The following CCDC91 variants were observed in gnomAD, a reference collection of about 807,000 sequenced individuals.
The protein encoded by CCDC91 is coiled-coil domain-containing protein 91.
CCDC91 carries 48 observed loss-of-function variants against 63.2 expected under a neutral mutation model. The ratio of observed to expected loss-of-function variants is 0.76; its 90% CI spans 0.60 to 0.97. CCDC91 has a LOEUF of 0.97. Ranked by LOEUF, CCDC91 falls within the 50% of genes least tolerant of loss-of-function variation. CCDC91 has a pLI of 0.00. For synonymous variants in CCDC91, 167 were observed against 165.8 expected (o/e 1.01, Z -0.06); for missense variants, 500 against 494.6 (o/e 1.01, Z -0.10).
chr12:28,194,754 A>G (rs1941597612), intron 1 of CCDC91, among the ~76,000 whole-genome samples: 1 of 149,636 alleles, frequency 6.7e-6, no homozygotes, highest in Non-Finnish European at 1.5e-5. Context: ...TGTTCCTCCC[A>G]GTGGGTTTGT....
At chr12:28,354,632 G>C (rs1025968505) in intron 6 of CCDC91, among the ~76,000 whole-genome samples, 9 of 152,220 alleles carry the variant, frequency 5.9e-5, no homozygotes, top group Admixed American at 5.9e-4. Context: ...ATTAAAAAGT[G>C]ATTTTTAGTA....
chr12:28,238,667 CAGT>C (rs1159672164), intron 1 of CCDC91, among the ~76,000 whole-genome samples: 2 of 152,046 alleles, frequency 1.3e-5, no homozygotes, highest in African/African-American at 2.4e-5. Flanking sequence ...TTATGTCTAT[CAGT>C]AGGGGAATTG....
chr12:28,231,083 A>C (rs1373535419), intron 1 of CCDC91, among the ~76,000 whole-genome samples: 6 of 152,180 alleles, frequency 3.9e-5, no homozygotes, highest in African/African-American at 1.4e-4. Context: ...GGCTCTAAGA[A>C]ATAGAGCTCT....
At chr12:28,191,807 A>G (rs943685628) in intron 1 of CCDC91, among the ~76,000 whole-genome samples, 2 of 152,146 alleles carry the variant, frequency 1.3e-5, no homozygotes, top group African/African-American at 4.8e-5. Flanking sequence ...TAAATGTAGT[A>G]AGGGTCATGC....
chr12:28,338,240 G>A (rs1219965628), intron 6 of CCDC91, among the ~76,000 whole-genome samples: 1 of 139,916 alleles, frequency 7.1e-6, no homozygotes, highest in Non-Finnish European at 1.5e-5. Context: ...GCAAGTACAG[G>A]TATTGGCCCT....
chr12:28,421,775 C>A (rs1948029208), intron 8 of CCDC91, among the ~76,000 whole-genome samples: 1 of 151,958 alleles, frequency 6.6e-6, no homozygotes. Context: ...TACTTGCTAG[C>A]CCCCACAAGC....
chr12:28,465,587 A>G (rs1053761580), intron 11 of CCDC91, among the ~76,000 whole-genome samples: 3 of 152,214 alleles, frequency 2.0e-5, no homozygotes, highest in Non-Finnish European at 4.4e-5. Flanking sequence ...CTGTACCTCT[A>G]TGAGTCTACA....
intron 12 of CCDC91, among the ~76,000 whole-genome samples, chr12:28,518,170 A>C (rs1369849359): frequency 6.6e-6 from 1 of 152,010 alleles, no homozygotes; most frequent in African/African-American, 2.4e-5. Context: ...TTGCTGGATC[A>C]AATGGTAGTT....
At chr12:28,510,310 A>G (rs1197260324) in intron 12 of CCDC91, among the ~76,000 whole-genome samples, 1 of 150,070 alleles carries the variant, frequency 6.7e-6, no homozygotes, top group Non-Finnish European at 1.5e-5. Context: ...GAGGCTGAGA[A>G]GTCCTAAGAT....
At chr12:28,267,922 A>C (rs1296387324) in intron 3 of CCDC91, among the ~76,000 whole-genome samples, 1 of 79,640 alleles carries the variant, frequency 1.3e-5, no homozygotes, top group African/African-American at 4.7e-5. Flanking sequence ...TATAATTATT[A>C]TAATTATATA....
chr12:28,267,885 AT>A (rs1402796278), intron 3 of CCDC91, among the ~76,000 whole-genome samples: 4 of 78,572 alleles, frequency 5.1e-5, no homozygotes, highest in South Asian at 3.3e-4. Context: ...ATATATAATT[AT>A]TATAATTATA....
At chr12:28,540,211 A>G (rs7139060) in intron 12 of CCDC91, among the ~76,000 whole-genome samples, 48,479 of 151,960 alleles carry the variant, frequency 0.32, 8,275 homozygotes, top group African/African-American at 0.4. Context: ...TGTTGTTTTC[A>G]TACATAGCCA....
intron 6 of CCDC91, among the ~76,000 whole-genome samples, chr12:28,346,081 G>A (rs1013486766): frequency 1.3e-5 from 2 of 151,964 alleles, no homozygotes; most frequent in African/African-American, 4.8e-5. Context: ...AATTAACCGA[G>A]TTCTTGGGAC....
chr12:28,402,145 T>C (rs1946661705), intron 8 of CCDC91, among the ~76,000 whole-genome samples: 1 of 152,156 alleles, frequency 6.6e-6, no homozygotes, highest in Admixed American at 6.6e-5. Context: ...GTGCGTTACA[T>C]GATACTTAAC....
At chr12:28,317,135 A>G (rs1939977703) in intron 6 of CCDC91, among the ~76,000 whole-genome samples, 1 of 151,924 alleles carries the variant, frequency 6.6e-6, no homozygotes, top group Non-Finnish European at 1.5e-5. Flanking sequence ...CGGATGCCAT[A>G]CACGTTTTGG....
At chr12:28,363,531 C>T (rs140233794) in intron 7 of CCDC91, among the ~76,000 whole-genome samples, 15 of 152,278 alleles carry the variant, frequency 9.9e-5, no homozygotes, top group African/African-American at 3.1e-4. Context: ...TAAACTTCCT[C>T]ACTAGACTTG....
At chr12:28,297,039 G>A in intron 3 of CCDC91, among the ~76,000 whole-genome samples, 1 of 151,932 alleles carries the variant, frequency 6.6e-6, no homozygotes, top group African/African-American at 2.4e-5. Context: ...TAAAAACAAG[G>A]ACCTGCATTG....
rs1951749800 is a variant in CCDC91 at position 28,486,789 on chromosome 12, A to T, written c.1215+2624A>T. Among the ~76,000 whole-genome samples the T allele has an allele frequency of 2.0e-5, 3 of 152,034 alleles. No homozygotes were observed. The South Asian group carries it at 6.2e-4, about 31-fold the overall frequency. On this transcript the variant is annotated intron_variant, in intron 12 of 12. Coordinates refer to ENST00000536442, the MANE Select transcript of CCDC91 (RefSeq NM_018318.5). ...TCAGTAAATCAGTTACCACATGTAG[A>T]GACATTATTAAAATAACAGCCAAGA...
intron 1 of CCDC91, among the ~76,000 whole-genome samples, chr12:28,216,463 G>A (rs188161282): frequency 8.6e-5 from 13 of 151,980 alleles, no homozygotes; most frequent in Admixed American, 3.9e-4. Context: ...TTATGCTACC[G>A]AGAAAGTTGT....
Sources: gnomAD v4.1 joint callset for allele counts (sites outside exome capture counted in the v4.1 genomes callset) on GRCh38, gnomAD v4.1.1 for gene constraint, MANE v1.5 for transcripts, NCBI Gene and HGNC (gene_info 2026-07-23, HGNC 2026-07-21) for gene names.